ALCAM: variants seen among roughly 807,000 people sequenced by gnomAD.
ALCAM encodes the protein activated leukocyte cell adhesion molecule, also known as CD166 antigen.
Under a neutral mutation model 70.9 loss-of-function variants are expected in ALCAM, and 30 were observed. That is an observed-to-expected ratio of 0.42 (90% CI 0.32 to 0.57). The LOEUF is 0.57. Ranked by LOEUF, ALCAM falls within the 20% of genes least tolerant of loss-of-function variation. ALCAM has a pLI of 0.11. For synonymous variants in ALCAM, 249 were observed against 242.5 expected (o/e 1.03, Z -0.25); for missense variants, 591 against 695.1 (o/e 0.85, Z 1.68).
chr3:105,535,794 A>T (rs1161024978), intron 6 of ALCAM, among the ~76,000 whole-genome samples: 1 of 152,070 alleles, frequency 6.6e-6, no homozygotes, highest in East Asian at 1.9e-4. Context: ...TGATACTGGC[A>T]TGTGTTCTAC....
chr3:105,493,068 C>T (rs1938633701), intron 1 of ALCAM, among the ~76,000 whole-genome samples: 1 of 152,038 alleles, frequency 6.6e-6, no homozygotes, highest in Non-Finnish European at 1.5e-5. Context: ...ATTAGGTGTA[C>T]ATTTTATAGT....
intron 14 of ALCAM, among the ~76,000 whole-genome samples, chr3:105,566,035 G>T (rs183481887): frequency 4.7e-4 from 72 of 152,264 alleles, no homozygotes; most frequent in Admixed American, 2.2e-3. Flanking sequence ...TTTTCCCTTA[G>T]AAATCACACA....
chr3:105,539,416 G>A (rs1940061003), intron 6 of ALCAM, among the ~76,000 whole-genome samples: 1 of 152,026 alleles, frequency 6.6e-6, no homozygotes, highest in Admixed American at 6.6e-5. Context: ...TTACAGTCCT[G>A]TTGATTGTGT....
chr3:105,388,927 A>G (rs1239056755), intron 1 of ALCAM, among the ~76,000 whole-genome samples: 1 of 151,620 alleles, frequency 6.6e-6, no homozygotes, highest in Admixed American at 6.6e-5. Flanking sequence ...AAGAAAGAAT[A>G]ATTGAAACAA....
At chr3:105,470,572 A>G (rs1937898385) in intron 1 of ALCAM, among the ~76,000 whole-genome samples, 1 of 151,296 alleles carries the variant, frequency 6.6e-6, no homozygotes, top group African/African-American at 2.4e-5. Context: ...AAGTAGGATT[A>G]ACTATCATTC....
At chr3:105,459,666 G>T (rs1937577428) in intron 1 of ALCAM, among the ~76,000 whole-genome samples, 1 of 152,008 alleles carries the variant, frequency 6.6e-6, no homozygotes, top group South Asian at 2.1e-4. Context: ...AAAATGCTTA[G>T]CATGTAGTAA....
chr3:105,481,456 A>G (rs1399091574), intron 1 of ALCAM, among the ~76,000 whole-genome samples: 1 of 152,194 alleles, frequency 6.6e-6, no homozygotes, highest in African/African-American at 2.4e-5. Context: ...TCTGTTTTGA[A>G]GCATAGAACA....
At chr3:105,483,097 C>A (rs951385812) in intron 1 of ALCAM, among the ~76,000 whole-genome samples, 5 of 152,042 alleles carry the variant, frequency 3.3e-5, no homozygotes, top group African/African-American at 4.8e-5. Flanking sequence ...AGAAAGATTT[C>A]TTTGACTTCC....
At chr3:105,532,127 C>A in intron 4 of ALCAM, 61 bp downstream of exon 4, 1 of 1,351,582 alleles carries the variant, frequency 7.4e-7, no homozygotes, top group Non-Finnish European at 1.1e-6. Flanking sequence ...CTTCTTCTGA[C>A]CTTACATTCC....
chr3:105,507,888 A>G (rs916516496), intron 1 of ALCAM, among the ~76,000 whole-genome samples: 11 of 152,146 alleles, frequency 7.2e-5, no homozygotes, highest in African/African-American at 2.4e-4. Context: ...TTGGAGGTCT[A>G]CTGTGCTACC....
intron 1 of ALCAM, among the ~76,000 whole-genome samples, chr3:105,384,527 ATTTACCT>A (rs1397761588): frequency 2.6e-5 from 4 of 151,440 alleles, no homozygotes; most frequent in African/African-American, 9.7e-5. Context: ...TACCTTCCCA[ATTTACCT>A]TGTTAGTAAA....
intron 1 of ALCAM, among the ~76,000 whole-genome samples, chr3:105,392,542 A>AT (rs1229717010): frequency 5.3e-5 from 8 of 150,510 alleles, no homozygotes; most frequent in Non-Finnish European, 8.9e-5. Flanking sequence ...AGATTCATTG[A>AT]TTTTTTTGAA....
chr3:105,445,965 A>C (rs1424539164), intron 1 of ALCAM, among the ~76,000 whole-genome samples: 2 of 152,236 alleles, frequency 1.3e-5, no homozygotes, highest in Non-Finnish European at 2.9e-5. Flanking sequence ...CAAGAAGAGC[A>C]AAAATAGCAA....
chr3:105,542,194 A>G (rs959202017), intron 8 of ALCAM, among the ~76,000 whole-genome samples: 6 of 151,846 alleles, frequency 4.0e-5, no homozygotes, highest in African/African-American at 1.4e-4. Context: ...GTTACTACAG[A>G]CTCAGTTTTG....
chr3:105,571,939 A>G lies in ALCAM; in HGVS notation c.1752A>G (p.Ter584=), dbSNP rs1940868087. The change falls in exon 15 of 16, where the codon TAA becomes TAG. Residue 584 remains the stop codon, a stop_retained_variant. Transcript: ENST00000306107. ...LEENNHKTEA[*] ...AAAACAATCACAAAACTGAAGCCTA[A>G]GAGAGAAACTGTCCTAGTTGTCCAG... 6.2e-7 allele frequency: 1 copy of G among 1,608,432 alleles called. No individual in the cohort carries two copies. Among genetic ancestry groups the G allele is most frequent in the Middle Eastern group, 1.7e-4 (1 of 6,050 alleles).
chr3:105,513,124 T>C lies in ALCAM; in HGVS notation c.74-6943T>C, dbSNP rs1390317610. 1.0e-4 allele frequency among the ~76,000 whole-genome samples: 15 copies of C among 144,644 alleles called. No homozygotes were observed. In the East Asian group the frequency reaches 3.2e-3, roughly 31 times the overall value. The allele number at this position is 144,644 out of a possible 152,430, so 94.9% of individuals were successfully genotyped here. ...CCCACGCATACAGAGCATGAAGTAT[T>C]TTTAAATGTTTTTTATTTAAGTTTA... On this transcript the variant is annotated intron_variant, in intron 1 of 15. Coordinates refer to ENST00000306107, the MANE Select transcript of ALCAM (RefSeq NM_001627.4).
At chr3:105,442,117 A>T (rs1937185049) in intron 1 of ALCAM, among the ~76,000 whole-genome samples, 1 of 152,164 alleles carries the variant, frequency 6.6e-6, no homozygotes, top group Admixed American at 6.5e-5. Context: ...GAGATGTGTC[A>T]ATGCTGGGTT....
rs1204894433 is a variant in ALCAM at position 105,512,758 on chromosome 3, T to G, written c.74-7309T>G. On this transcript the variant is annotated intron_variant, in intron 1 of 15. Coordinates refer to ENST00000306107, the MANE Select transcript of ALCAM (RefSeq NM_001627.4). Reference sequence around the variant, plus strand: ...GGGGAGCAGAAGGAAAATCATACTTTGCTAGTTATTTTTATTGTATTGACT... The same window carrying G: ...GGGGAGCAGAAGGAAAATCATACTTGGCTAGTTATTTTTATTGTATTGACT... Among the ~76,000 whole-genome samples the G allele has an allele frequency of 3.3e-5, 5 of 151,866 alleles. No homozygotes were observed. The East Asian group carries it at 9.6e-4, about 29-fold the overall frequency.
chr3:105,370,072 A>G (rs1935187596), intron 1 of ALCAM, among the ~76,000 whole-genome samples: 1 of 152,188 alleles, frequency 6.6e-6, no homozygotes, highest in Non-Finnish European at 1.5e-5. Context: ...GAACCCCTCT[A>G]TGGGATTTTT....
Sources: gnomAD v4.1 joint callset for allele counts (sites outside exome capture counted in the v4.1 genomes callset) on GRCh38, gnomAD v4.1.1 for gene constraint, MANE v1.5 for transcripts, NCBI Gene and HGNC (gene_info 2026-07-23, HGNC 2026-07-21) for gene names.